CFAP99: variants seen among roughly 807,000 people sequenced by gnomAD.
The protein encoded by CFAP99 is cilia- and flagella-associated protein 99.
A neutral mutation model predicts 82.7 loss-of-function variants in CFAP99; 84 were observed. That is an observed-to-expected ratio of 1.02 (90% confidence interval 0.85 to 1.22). CFAP99 has a LOEUF of 1.22. Among genes scored for constraint, CFAP99 ranks in the 50% most tolerant of loss-of-function variants. The pLI, the probability that CFAP99 is intolerant of heterozygous loss-of-function variation, is 0.00. For synonymous variants in CFAP99, 456 were observed against 429.5 expected (o/e 1.06, Z -0.76); for missense variants, 1,059 against 983.5 (o/e 1.08, Z -1.03).
At chr4:2,445,626 C>A (rs531404773) in intron 6 of CFAP99, among the ~76,000 whole-genome samples, 1 of 152,138 alleles carries the variant, frequency 6.6e-6, no homozygotes, top group South Asian at 2.1e-4. Context: ...TTAACTCTGG[C>A]GTAATGCAAC....
chr4:2,442,765 G>T (rs949952320), intron 4 of CFAP99, among the ~76,000 whole-genome samples: 1 of 152,202 alleles, frequency 6.6e-6, no homozygotes, highest in East Asian at 1.9e-4. Flanking sequence ...GACCCCGGGG[G>T]CTGCTCCTCC....
At chr4:2,424,203 G>C (rs1733638678) in intron 1 of CFAP99, among the ~76,000 whole-genome samples, 1 of 152,236 alleles carries the variant, frequency 6.6e-6, no homozygotes, top group Non-Finnish European at 1.5e-5. Flanking sequence ...CAGATCACCT[G>C]AGGTCAGGAG....
chr4:2,458,792 G>C (rs112712721), exon 12 of CFAP99: 16,689 of 1,535,934 alleles, frequency 0.011, 128 homozygotes, highest in Non-Finnish European at 0.013. Context: ...GGAGCTGGTG[G>C]AGCAGGTGAT....
intron 2 of CFAP99, among the ~76,000 whole-genome samples, chr4:2,429,678 G>A (rs1019848448): frequency 2.7e-5 from 4 of 150,906 alleles, no homozygotes; most frequent in African/African-American, 7.3e-5. Context: ...TGCAAGCTCC[G>A]CCTCCTGGGT....
chr4:2,426,399 G>A (rs1259678103), intron 1 of CFAP99, 60 bp from the exon 2 acceptor site: 13 of 1,055,520 alleles, frequency 1.2e-5, no homozygotes, highest in Non-Finnish European at 1.7e-5. Context: ...TCGCTGCTGG[G>A]GAGGGTCCTG....
At chr4:2,423,751 T>C (rs1367416738) in intron 1 of CFAP99, among the ~76,000 whole-genome samples, 1 of 152,210 alleles carries the variant, frequency 6.6e-6, no homozygotes, top group Non-Finnish European at 1.5e-5. Flanking sequence ...TCTGTGGATT[T>C]GCGGGTTTAA....
At chr4:2,458,617 G>C (rs947786967) in intron 11 of CFAP99, 106 bp from the exon 12 acceptor site, 37 of 1,383,286 alleles carry the variant, frequency 2.7e-5, no homozygotes, top group Admixed American at 7.9e-5. Context: ...CAAGGGCAGG[G>C]ACTGGGTCCA....
chr4:2,423,495 A>G (rs1227386369), intron 1 of CFAP99, among the ~76,000 whole-genome samples: 1 of 152,196 alleles, frequency 6.6e-6, no homozygotes, highest in East Asian at 1.9e-4. Context: ...AGACTCAGCT[A>G]GAGGGGATCA....
intron 6 of CFAP99, among the ~76,000 whole-genome samples, chr4:2,447,921 A>ATGGG (rs1560385941): frequency 2.2e-5 from 2 of 91,630 alleles, no homozygotes; most frequent in Admixed American, 1.1e-4. Flanking sequence ...GGGTGAATGA[A>ATGGG]TGGATGGGTG....
At chr4:2,442,027 C>G (rs1051757254) in intron 4 of CFAP99, among the ~76,000 whole-genome samples, 1 of 152,200 alleles carries the variant, frequency 6.6e-6, no homozygotes, top group African/African-American at 2.4e-5. Flanking sequence ...CCGCAAAGCC[C>G]CACCCCAACT....
intron 11 of CFAP99, among the ~76,000 whole-genome samples, chr4:2,456,264 C>G (rs1232932002): frequency 6.6e-6 from 1 of 152,106 alleles, no homozygotes; most frequent in Non-Finnish European, 1.5e-5. Context: ...AACTCCCAGC[C>G]TTATGTGATC....
At chr4:2,456,174 AGTT>A (rs1734428281) in intron 11 of CFAP99, among the ~76,000 whole-genome samples, 1 of 151,988 alleles carries the variant, frequency 6.6e-6, no homozygotes, top group African/African-American at 2.4e-5. Flanking sequence ...TTTTTTCAAC[AGTT>A]ACCAGGTTTT....
Position 2,437,157 on chromosome 4 carries a change from C to T in CFAP99, c.256+139C>T, listed in dbSNP as rs1346328377. 5 of 1,037,568 alleles carry T rather than the reference C, an allele frequency of 4.8e-6. 1 individual carries two copies. The highest frequency in any genetic ancestry group is 3.2e-5 in the South Asian group (2 of 62,466). The allele number at this position is 1,037,568 out of a possible 1,614,324, so 64.3% of individuals were successfully genotyped here. On this transcript the variant is annotated intron_variant, in intron 3 of 14. Transcript: ENST00000635017. ...CCCTTGCACTGGAGGCTTCCCGGCTCCTCACCTCACTTGGTCCTTACCAGG... is the reference window on the plus strand; with the variant it reads ...CCCTTGCACTGGAGGCTTCCCGGCTTCTCACCTCACTTGGTCCTTACCAGG...
intron 6 of CFAP99, among the ~76,000 whole-genome samples, chr4:2,445,934 C>G (rs2108727398): frequency 6.6e-6 from 1 of 152,286 alleles, no homozygotes; most frequent in East Asian, 1.9e-4. Context: ...CTGACTGGAC[C>G]AGCTTAGGTC....
At chr4:2,426,931 C>T in intron 2 of CFAP99, 1 of 285,454 alleles carries the variant, frequency 3.5e-6, no homozygotes, top group South Asian at 4.3e-5. Flanking sequence ...GAAATGGGTC[C>T]TCCATCCCCC....
chr4:2,459,184 T>C (rs1054676065), exon 13 of CFAP99: 2 of 1,535,542 alleles, frequency 1.3e-6, no homozygotes, highest in Non-Finnish European at 1.7e-6. Context: ...GCGGCGCCGT[T>C]GTGAACTCAT....
intron 4 of CFAP99, among the ~76,000 whole-genome samples, 197 bp from the exon 5 acceptor site, chr4:2,442,933 G>C (rs1242950902): frequency 9.2e-6 from 1 of 108,860 alleles, no homozygotes; most frequent in Non-Finnish European, 2.0e-5. Flanking sequence ...GGGTGCTGGG[G>C]GCCTTGGGGG....
At chr4:2,429,151 G>C (rs1298106782) in intron 2 of CFAP99, 1 of 152,488 alleles carries the variant, frequency 6.6e-6, no homozygotes, top group Non-Finnish European at 1.5e-5. Flanking sequence ...TGCACTAGCT[G>C]TTGCCTCCAC....
intron 4 of CFAP99, among the ~76,000 whole-genome samples, chr4:2,441,648 C>T (rs936631947): frequency 4.6e-5 from 7 of 152,216 alleles, no homozygotes; most frequent in South Asian, 2.1e-4. Context: ...GAATTGCCCA[C>T]GTAAATCCCC....
Sources: gnomAD v4.1 joint callset for allele counts (sites outside exome capture counted in the v4.1 genomes callset) on GRCh38, gnomAD v4.1.1 for gene constraint, MANE v1.5 for transcripts, NCBI Gene and HGNC (gene_info 2026-07-23, HGNC 2026-07-21) for gene names.